Variants in POM121 observed in about 807,000 individuals in gnomAD.
The protein encoded by POM121 is POM121 transmembrane nucleoporin, also known as nuclear envelope pore membrane protein POM 121.
A neutral mutation model predicts 81.3 loss-of-function variants in POM121; 32 were observed. The ratio of observed to expected loss-of-function variants is 0.39; its 90% CI spans 0.30 to 0.53. The LOEUF is 0.53. POM121 is among the 20% of genes least tolerant of loss of function. POM121 has a pLI of 0.66. For synonymous variants in POM121, 514 were observed against 694.2 expected (o/e 0.74, Z 4.08); for missense variants, 1,138 against 1,614.6 (o/e 0.70, Z 5.06).
intron 3 of POM121, among the ~76,000 whole-genome samples, chr7:72,906,466 ATTGT>A (rs1479723578): frequency 6.6e-6 from 1 of 152,126 alleles, no homozygotes; most frequent in Non-Finnish European, 1.5e-5. Flanking sequence ...CTCTCCCTTC[ATTGT>A]TTAAGTATGT....
intron 11 of POM121, among the ~76,000 whole-genome samples, chr7:72,944,092 G>A (rs1167416252): frequency 6.6e-6 from 1 of 152,226 alleles, no homozygotes; most frequent in Non-Finnish European, 1.5e-5. Flanking sequence ...AAGTGGACAT[G>A]CCTTTCAGGC....
At chr7:72,945,149 C>T (rs1282908173) in intron 11 of POM121, among the ~76,000 whole-genome samples, 1 of 152,134 alleles carries the variant, frequency 6.6e-6, no homozygotes, top group Non-Finnish European at 1.5e-5. Flanking sequence ...CAGGGCAAGG[C>T]CGGGGAAGGG....
At chr7:72,897,321 T>G (rs1792067582) in intron 3 of POM121, among the ~76,000 whole-genome samples, 1 of 152,134 alleles carries the variant, frequency 6.6e-6, no homozygotes, top group Non-Finnish European at 1.5e-5. Context: ...GAGAGAGCCA[T>G]GCTTACCTCC....
chr7:72,893,297 A>C (rs567551774), intron 3 of POM121, among the ~76,000 whole-genome samples: 1 of 151,944 alleles, frequency 6.6e-6, no homozygotes, highest in Non-Finnish European at 1.5e-5. Flanking sequence ...AAAACCACGT[A>C]ACATGGCCAG....
In POM121 at chr7:72,927,039, A is replaced by C. The variant is rs117799166; in HGVS notation, c.1022+76A>C. On this transcript the variant is annotated intron_variant, in intron 3 of 12. Coordinates refer to ENST00000434423, the MANE Select transcript of POM121 (RefSeq NM_001387691.1). ...GGATGAGATGTAGACATTCCCATAT[A>C]GATACAGAGGCCATCTCCAGTTTAT... 16 of 1,607,028 alleles carry C rather than the reference A, an allele frequency of 1.0e-5. No individual in the cohort carries two copies. In the African/African-American group the frequency reaches 2.0e-4, roughly 20 times the overall value.
At chr7:72,932,935 C>A (rs1796161149) in intron 5 of POM121, among the ~76,000 whole-genome samples, 1 of 151,510 alleles carries the variant, frequency 6.6e-6, no homozygotes, top group African/African-American at 2.4e-5. Flanking sequence ...GCCTGTAATC[C>A]CAGCTACTCA....
intron 1 of POM121, among the ~76,000 whole-genome samples, chr7:72,889,225 C>T (rs1184121158): frequency 5.3e-5 from 8 of 152,212 alleles, no homozygotes; most frequent in African/African-American, 1.9e-4. Context: ...CTTTGGCCTG[C>T]CTGTGGATAA....
chr7:72,934,342 C>T (rs1218704275), intron 5 of POM121, among the ~76,000 whole-genome samples: 1 of 152,202 alleles, frequency 6.6e-6, no homozygotes, highest in African/African-American at 2.4e-5. Context: ...GCCTTGGCCT[C>T]CCGAAGTGCT....
In POM121 at chr7:72,926,919, G is replaced by A. The variant is rs1795507697; in HGVS notation, c.978G>A (p.Glu326=). 3 of 1,613,872 alleles carry A rather than the reference G, an allele frequency of 1.9e-6. No homozygotes were observed. Among genetic ancestry groups the A allele is most frequent in the Non-Finnish European group, 2.5e-6 (3 of 1,179,884 alleles). Residue 326 remains glutamate (E), a synonymous_variant, in exon 3 of 13, where the codon GAG becomes GAA. Coordinates refer to ENST00000434423, the MANE Select transcript of POM121 (RefSeq NM_001387691.1). The part of the protein sequence containing the change: ...LKEKEKKRTV[E]EEDQIFLDGQ... ...AGAAGGAGAAGAAAAGGACAGTGGA[G>A]GAAGAAGACCAAATATTCCTTGATG...
chr7:72,890,132 A>G (rs569183632), intron 1 of POM121, among the ~76,000 whole-genome samples: 8 of 151,948 alleles, frequency 5.3e-5, no homozygotes, highest in African/African-American at 1.9e-4. Flanking sequence ...GCCACTGGCT[A>G]TGAGAATAAA....
intron 5 of POM121, among the ~76,000 whole-genome samples, chr7:72,934,089 T>C (rs1796279388): frequency 6.6e-6 from 1 of 151,820 alleles, no homozygotes. Context: ...AGTCTTTTTT[T>C]TTTTCTTTCT....
chr7:72,888,437 T>G (rs1451717040), intron 1 of POM121, among the ~76,000 whole-genome samples: 1 of 152,256 alleles, frequency 6.6e-6, no homozygotes, highest in Non-Finnish European at 1.5e-5. Flanking sequence ...CTTGAACTCC[T>G]GACCTCAGGT....
intron 3 of POM121, 87 bp downstream of exon 3, chr7:72,927,050 C>T: frequency 6.3e-7 from 1 of 1,598,904 alleles, no homozygotes; most frequent in South Asian, 1.1e-5. Flanking sequence ...GATACAGAGG[C>T]CATCTCCAGT....
chr7:72,881,066 C>CTTTTTTTT (rs3973810), intron 1 of POM121, among the ~76,000 whole-genome samples: 1 of 47,196 alleles, frequency 2.1e-5, no homozygotes, highest in Non-Finnish European at 5.3e-5. Context: ...CCCTATCACT[C>CTTTTTTTT]TTTTTTTTTT....
At position 72,925,235 on chromosome 7, in the gene POM121, C is replaced by A. The variant is rs1554496893; in HGVS notation, c.114C>A (p.Gly38=). The A allele has an allele frequency of 2.0e-6, 3 of 1,533,518 alleles. No individual in the cohort carries two copies. Among genetic ancestry groups the A allele is most frequent in the Non-Finnish European group, 2.6e-6 (3 of 1,146,094 alleles). 95.0% of individuals were successfully genotyped at this position (1,533,518 alleles called of 1,614,324 possible). A position where few individuals can be genotyped will look rare whatever the true frequency, so the allele number is the denominator to read the frequency against. ...GGCCGGCCAGGGCGGTGCTCCTGGG[C>A]CTGTCGCTGGTTGGCCTCTTACTGT... ...CGGPARAVLL[G]LSLVGLLLYL... is the part of the protein sequence containing the mutation. Residue 38 remains glycine (G), a synonymous_variant, in exon 1 of 13, where the codon GGC becomes GGA. Transcript: ENST00000434423.
intron 3 of POM121, among the ~76,000 whole-genome samples, chr7:72,907,691 A>G (rs558960873): frequency 7.2e-5 from 11 of 152,142 alleles, no homozygotes; most frequent in Admixed American, 3.9e-4. Flanking sequence ...TTATATTTTT[A>G]GTAGAGATGG....
At chr7:72,909,979 A>G (rs782222672) in intron 3 of POM121, among the ~76,000 whole-genome samples, 5 of 152,202 alleles carry the variant, frequency 3.3e-5, no homozygotes, top group African/African-American at 7.2e-5. Context: ...AGAGTATTCC[A>G]CATTGCCGTT....
intron 3 of POM121, among the ~76,000 whole-genome samples, chr7:72,903,966 T>C (rs1361085097): frequency 1.3e-5 from 2 of 152,182 alleles, no homozygotes; most frequent in Non-Finnish European, 2.9e-5. Flanking sequence ...CACACCTGGC[T>C]AATTTTTGTA....
Position 72,925,293 on chromosome 7 carries a change from C to T in POM121, c.172C>T (p.Leu58=), listed in dbSNP as rs1231008653. The change falls in exon 1 of 13, where the codon CTG becomes TTG. Residue 58 remains leucine (L), a synonymous_variant. Transcript: ENST00000434423. ...GCCGGCTGCGGCTGCACTGGCCTGG[C>T]TGACCGTGGGGGCTACCGCGGCCTG... ...LVPAAAALAW[L]TVGATAAWWG... is the part of the protein sequence containing the mutation. The T allele has an allele frequency of 6.5e-7, 1 of 1,534,480 alleles. No individual in the cohort carries two copies. Among genetic ancestry groups the T allele is most frequent in the Non-Finnish European group, 8.7e-7 (1 of 1,146,490 alleles).
Sources: gnomAD v4.1 joint callset for allele counts (sites outside exome capture counted in the v4.1 genomes callset) on GRCh38, gnomAD v4.1.1 for gene constraint, MANE v1.5 for transcripts, NCBI Gene and HGNC (gene_info 2026-07-23, HGNC 2026-07-21) for gene names.